Variants in SLIT1 observed in about 807,000 individuals in gnomAD.
SLIT1 encodes the protein slit guidance ligand 1, also known as slit homolog 1 protein.
Under a neutral mutation model 186.1 loss-of-function variants are expected in SLIT1, and 66 were observed. The observed-to-expected ratio is 0.35, with a 90% confidence interval of 0.29 to 0.44. SLIT1 has a LOEUF of 0.44. SLIT1 is among the 20% of genes least tolerant of loss of function. SLIT1 has a pLI of 1.00. For missense variants in SLIT1, 1,638 were observed against 2,037.4 expected (o/e 0.80, Z 3.77); for synonymous variants, 761 against 833.8 (o/e 0.91, Z 1.50).
chr10:97,144,706 G>A (rs1849799179), intron 4 of SLIT1, among the ~76,000 whole-genome samples: 1 of 152,188 alleles, frequency 6.6e-6, no homozygotes. Flanking sequence ...GGATGAAGCG[G>A]GAGCCAGCAA....
At chr10:97,115,995 G>A (rs940998623) in intron 4 of SLIT1, among the ~76,000 whole-genome samples, 1 of 152,208 alleles carries the variant, frequency 6.6e-6, no homozygotes, top group Non-Finnish European at 1.5e-5. Context: ...CACAGGCTCT[G>A]GAGTGAAACC....
intron 4 of SLIT1, among the ~76,000 whole-genome samples, chr10:97,119,202 C>T (rs1351355552): frequency 1.3e-5 from 2 of 152,234 alleles, no homozygotes; most frequent in African/African-American, 4.8e-5. Flanking sequence ...GGAAACTCCT[C>T]AGGGAACCCC....
intron 4 of SLIT1, among the ~76,000 whole-genome samples, chr10:97,141,736 T>TGTATCGTATCGTATCGTATC (rs1268951481): frequency 1.6e-5 from 2 of 127,402 alleles, no homozygotes; most frequent in Admixed American, 7.4e-5. Flanking sequence ...TGTACTGTAT[T>TGTATCGTATCGTATCGTATC]GTATCGTATC....
At chr10:97,083,012 T>C (rs1222622786) in intron 4 of SLIT1, among the ~76,000 whole-genome samples, 1 of 152,230 alleles carries the variant, frequency 6.6e-6, no homozygotes, top group African/African-American at 2.4e-5. Context: ...CAGGCAATCC[T>C]GGGCTCAAGC....
intron 4 of SLIT1, among the ~76,000 whole-genome samples, chr10:97,115,920 A>G (rs925871467): frequency 2.0e-5 from 3 of 152,208 alleles, no homozygotes; most frequent in Non-Finnish European, 4.4e-5. Context: ...GAACCTTCCC[A>G]TAAGATCAAA....
chr10:97,126,458 T>C (rs1324252429), intron 4 of SLIT1, among the ~76,000 whole-genome samples: 1 of 152,194 alleles, frequency 6.6e-6, no homozygotes, highest in African/African-American at 2.4e-5. Context: ...AGGTTCAGGA[T>C]GGTGGAGATG....
intron 10 of SLIT1, 97 bp downstream of exon 10, chr10:97,059,990 G>C (rs1043507002): frequency 7.7e-6 from 8 of 1,042,842 alleles, no homozygotes; most frequent in African/African-American, 3.1e-5. Context: ...ACTCAGCTGT[G>C]GGGGGCTGAG....
intron 3 of SLIT1, 35 bp from the exon 4 acceptor site, chr10:97,157,924 A>G: frequency 1.3e-6 from 2 of 1,510,086 alleles, no homozygotes; most frequent in Non-Finnish European, 9.2e-7. Flanking sequence ...AATCACCTAG[A>G]CAGCCAGGAA....
intron 4 of SLIT1, among the ~76,000 whole-genome samples, chr10:97,111,294 G>A (rs916022497): frequency 2.6e-5 from 4 of 152,068 alleles, no homozygotes; most frequent in Non-Finnish European, 5.9e-5. Flanking sequence ...CCAGCCAAGA[G>A]TCCGAGTCAT....
intron 20 of SLIT1, among the ~76,000 whole-genome samples, chr10:97,041,979 G>T (rs2134620791): frequency 6.6e-6 from 1 of 152,076 alleles, no homozygotes; most frequent in Admixed American, 6.5e-5. Context: ...AAAAAGACTT[G>T]CAAGCTATTA....
intron 36 of SLIT1, among the ~76,000 whole-genome samples, chr10:97,001,948 C>G (rs1325546294): frequency 1.3e-5 from 2 of 152,064 alleles, no homozygotes; most frequent in African/African-American, 4.8e-5. Flanking sequence ...GAGGCGCATA[C>G]CCTGAATAAG....
At chr10:97,079,798 T>C (rs996937077) in intron 4 of SLIT1, among the ~76,000 whole-genome samples, 13 of 152,150 alleles carry the variant, frequency 8.5e-5, no homozygotes, top group African/African-American at 2.9e-4. Flanking sequence ...CCAGAGTCTC[T>C]AGTACAGCAA....
chr10:97,016,202 G>A (rs376554258), intron 28 of SLIT1, among the ~76,000 whole-genome samples: 10 of 151,904 alleles, frequency 6.6e-5, no homozygotes, highest in East Asian at 3.9e-4. Context: ...CCAGCTACTC[G>A]GGAGGCTGAG....
chr10:97,108,263 A>G (rs1320741849), intron 4 of SLIT1, among the ~76,000 whole-genome samples: 1 of 152,174 alleles, frequency 6.6e-6, no homozygotes, highest in Non-Finnish European at 1.5e-5. Flanking sequence ...GCCTGGGTTT[A>G]CATGCCAGCT....
chr10:97,058,217 G>T (rs1848859330), intron 11 of SLIT1: 2 of 628,646 alleles, frequency 3.2e-6, no homozygotes, highest in African/African-American at 1.8e-5. Flanking sequence ...CAAGCTGCTG[G>T]GTGGGAAATG....
chr10:97,032,241 G>A (rs575360202), intron 23 of SLIT1, among the ~76,000 whole-genome samples: 1 of 152,284 alleles, frequency 6.6e-6, no homozygotes, highest in South Asian at 2.1e-4. Context: ...GAGGCCTTGA[G>A]AGGTGAAAAA....
chr10:97,059,998 G>C, intron 10 of SLIT1, 89 bp downstream of exon 10: 1 of 1,133,200 alleles, frequency 8.8e-7, no homozygotes, highest in Non-Finnish European at 1.3e-6. Flanking sequence ...GTGGGGGGCT[G>C]AGTTAGGGCC....
chr10:97,171,031 C>T (rs1211942948), intron 1 of SLIT1, among the ~76,000 whole-genome samples: 2 of 152,094 alleles, frequency 1.3e-5, no homozygotes, highest in Non-Finnish European at 2.9e-5. Flanking sequence ...GATGGAGAGG[C>T]TCACCCTTCC....
chr10:97,118,105 G>GT (rs11404636), intron 4 of SLIT1, among the ~76,000 whole-genome samples: 73,776 of 152,022 alleles, frequency 0.49, 19,914 homozygotes, highest in Non-Finnish European at 0.6. Context: ...GTTCTGAGGT[G>GT]TCTGGCCCCA....
Sources: allele counts gnomAD v4.1 joint callset (sites outside exome capture counted in the v4.1 genomes callset), GRCh38; gene constraint gnomAD v4.1.1; transcripts MANE v1.5; gene names NCBI Gene and HGNC (gene_info 2026-07-23, HGNC 2026-07-21).